ADGRD2: variants seen among roughly 807,000 people sequenced by gnomAD.
ADGRD2 encodes G protein-coupled receptor PGR24.
In ADGRD2, 71 loss-of-function variants were observed where a neutral mutation model predicts 44.4. The observed-to-expected ratio is 1.60, with a 90% CI of 1.32 to 1.95. The LOEUF is 1.95. Ranked by LOEUF, ADGRD2 falls within the 30% of genes most tolerant of loss-of-function variation. The pLI is 0.00. For synonymous variants in ADGRD2, 481 were observed against 224.8 expected, an observed-to-expected ratio of 2.14 and a Z score of -10.19; for missense variants, 1,039 against 512.4, an observed-to-expected ratio of 2.03 and a Z score of -9.92.
upstream of ADGRD2, chr9:124,451,248 G>A (rs1168542747): frequency 2.1e-6 from 1 of 470,604 alleles, no homozygotes; most frequent in Non-Finnish European, 4.4e-6. Flanking sequence ...AACCTTGGCG[G>A]AGAACCTCAA....
chr9:124,473,290 C>A (rs1327252355), intron 17 of ADGRD2, among the ~76,000 whole-genome samples: 1 of 152,238 alleles, frequency 6.6e-6, no homozygotes, highest in African/African-American at 2.4e-5. Flanking sequence ...TTGTGTCCTT[C>A]TGGCCACTGT....
chr9:124,471,186 A>G (rs572925922), intron 17 of ADGRD2, among the ~76,000 whole-genome samples: 4 of 152,132 alleles, frequency 2.6e-5, no homozygotes, highest in African/African-American at 9.6e-5. Context: ...ACATTAACTG[A>G]AGTGACAGCC....
chr9:124,478,473 C>A (rs2131265840), exon 22 of ADGRD2: 1 of 152,632 alleles, frequency 6.6e-6, no homozygotes, highest in South Asian at 2.1e-4. Context: ...CCACCAGGTC[C>A]CCAGGCTCTT....
intron 6 of ADGRD2, 44 bp downstream of exon 9, chr9:124,455,171 T>C: frequency 3.1e-6 from 2 of 636,454 alleles, no homozygotes; most frequent in South Asian, 1.8e-5. Flanking sequence ...TGGGCTATGG[T>C]TCCAGCCTAG....
At chr9:124,459,443 G>A (rs1006500716) in intron 10 of ADGRD2, among the ~76,000 whole-genome samples, 2 of 151,238 alleles carry the variant, frequency 1.3e-5, no homozygotes, top group African/African-American at 4.9e-5. Flanking sequence ...GTAGTGAGCC[G>A]AAATCACACC....
At chr9:124,474,499 T>G (rs1832009268) in intron 17 of ADGRD2, among the ~76,000 whole-genome samples, 1 of 152,018 alleles carries the variant, frequency 6.6e-6, no homozygotes, top group Non-Finnish European at 1.5e-5. Flanking sequence ...GGGTCTGTCT[T>G]GGAGAATGGG....
At position 124,454,905 on chromosome 9, in the gene ADGRD2, C is replaced by A; in HGVS notation, c.1173C>A (p.Phe391Leu). 2.8e-6 allele frequency: 2 copies of A among 715,116 alleles called. No homozygotes were observed. Among genetic ancestry groups the A allele is most frequent in the Non-Finnish European group, 5.2e-6 (2 of 385,062 alleles). The allele number at this position is 715,116 out of a possible 1,614,324, so 44.3% of individuals were successfully genotyped here. The change falls in exon 6 of 22, where the codon TTC becomes TTA. Residue 391 changes from phenylalanine to leucine, a missense_variant. Coordinates refer to ENST00000334810, the Ensembl canonical transcript of ADGRD2. This position sits in a 1 kb window ranked among gnomAD's most constrained non-coding sequence, Gnocchi z 4.5. ...TGTCCCCAGCGGAGGCCTCCAGCTTCCTGGGCCTTCTGGAGCATGTCCTGG... is the reference window on the plus strand; with the variant it reads ...TGTCCCCAGCGGAGGCCTCCAGCTTACTGGGCCTTCTGGAGCATGTCCTGG...
At chr9:124,476,634 C>T (rs1832054723) in intron 20 of ADGRD2, 45 bp from the exon 24 acceptor site, 1 of 689,084 alleles carries the variant, frequency 1.5e-6, no homozygotes, top group Non-Finnish European at 2.6e-6. Flanking sequence ...CAAGGGGCAG[C>T]AGAAGGAGTG....
intron 11 of ADGRD2, chr9:124,467,340 CAAAA>C (rs59651695): frequency 1.4e-4 from 15 of 104,982 alleles, no homozygotes; most frequent in Non-Finnish European, 2.4e-4. Context: ...CTTGAAGCAA[CAAAA>C]AAAAAAAAAA....
intron 11 of ADGRD2, chr9:124,467,363 A>AAAAAAC (rs1831843520): frequency 5.5e-6 from 1 of 182,006 alleles, no homozygotes; most frequent in African/African-American, 2.4e-5. Flanking sequence ...AAAAAAAAAA[A>AAAAAAC]AGTCAGAGCG....
At chr9:124,470,950 T>C (rs965871897) in intron 17 of ADGRD2, among the ~76,000 whole-genome samples, 1 of 152,206 alleles carries the variant, frequency 6.6e-6, no homozygotes, top group African/African-American at 2.4e-5. Flanking sequence ...ACTTAGTTCT[T>C]GCCAGAAAGC....
intron 21 of ADGRD2, among the ~76,000 whole-genome samples, 180 bp from the exon 25 acceptor site, chr9:124,478,101 C>A (rs1023904228): frequency 6.6e-6 from 1 of 152,194 alleles, no homozygotes; most frequent in Non-Finnish European, 1.5e-5. Flanking sequence ...CGCCACCGCC[C>A]CTCCTGAAAG....
At chr9:124,465,812 A>C in intron 10 of ADGRD2, 1 of 152,794 alleles carries the variant, frequency 6.5e-6, no homozygotes, top group Non-Finnish European at 1.5e-5. Context: ...CCCAGGGGGT[A>C]GTGAGCTCCT....
chr9:124,475,640 G>A, intron 19 of ADGRD2, 25 bp downstream of exon 22: 1 of 632,114 alleles, frequency 1.6e-6, no homozygotes, highest in Admixed American at 2.7e-5. Flanking sequence ...GGGGGTGTGG[G>A]TGGGGGCGGG....
chr9:124,474,778 G>A (rs906229255), intron 17 of ADGRD2, among the ~76,000 whole-genome samples: 4 of 152,162 alleles, frequency 2.6e-5, no homozygotes, highest in Non-Finnish European at 5.9e-5. Flanking sequence ...CCATCAAATG[G>A]GGAGAATGAA....
At chr9:124,474,616 G>GC (rs750449315) in intron 17 of ADGRD2, among the ~76,000 whole-genome samples, 8 of 152,092 alleles carry the variant, frequency 5.3e-5, no homozygotes, top group Non-Finnish European at 1.0e-4. Flanking sequence ...GGAATTCCAG[G>GC]CCCCCACCTG....
chr9:124,452,120 C>T (rs1429171321), exon 1 of ADGRD2: 3 of 717,766 alleles, frequency 4.2e-6, no homozygotes, highest in Non-Finnish European at 7.8e-6. Context: ...CCCCCTCCAA[C>T]TCCCCAGGTG....
rs1247457711 is a variant in ADGRD2 at position 124,469,570 on chromosome 9, C to CAGCAGGA, written c.2637+33_2637+39dup. The CAGCAGGA allele has an allele frequency of 4.2e-6, 3 of 716,452 alleles. No homozygotes were observed. The African/African-American group carries it at 5.2e-5, about 13-fold the overall frequency. The allele number at this position is 716,452 out of a possible 1,614,324, so 44.4% of individuals were successfully genotyped here. On this transcript the variant is annotated intron_variant, in intron 16 of 21. Transcript: ENST00000334810. ...ATGGTGAGGCCCCAGAATGGGGGGC[C>CAGCAGGA]AGCAGGAAGCAGGAAGTGCACAGTC...
chr9:124,475,675 C>A lies in ADGRD2; in HGVS notation c.2845+60C>A, dbSNP rs565892576. 2.3e-3 allele frequency: 1,385 copies of A among 594,642 alleles called. 32 individuals are homozygous for A. Among genetic ancestry groups the A allele is most frequent in the South Asian group, 0.023 (1,117 of 49,192 alleles). 36.8% of individuals were successfully genotyped at this position (594,642 alleles called of 1,614,324 possible). A position where few individuals can be genotyped will look rare whatever the true frequency, so the allele number is the denominator to read the frequency against. On this transcript the variant is annotated intron_variant, in intron 19 of 21. Coordinates refer to ENST00000334810, the Ensembl canonical transcript of ADGRD2. ...GAGGCCCCCAGAGCCAGGTCCCAGC[C>A]CCCATATCCTCTCCTTTAAGTCCCG...
Sources: gnomAD v4.1 joint callset for allele counts (sites outside exome capture counted in the v4.1 genomes callset) on GRCh38, gnomAD v4.1.1 for gene constraint, Gnocchi (gnomAD v3.1) non-coding constraint, MANE v1.5 for transcripts, NCBI Gene and HGNC (gene_info 2026-07-23, HGNC 2026-07-21) for gene names.